The following DLG2 variants were observed in gnomAD, a reference collection of about 807,000 sequenced individuals.
DLG2 encodes the protein discs large MAGUK scaffold protein 2.
Under a neutral mutation model 132.5 loss-of-function variants are expected in DLG2, and 45 were observed. The observed-to-expected ratio is 0.34, with a 90% confidence interval of 0.27 to 0.44. The LOEUF (loss-of-function observed/expected upper bound fraction) is 0.44. DLG2 is among the 20% of genes least tolerant of loss of function. The probability of loss-of-function intolerance (pLI) is 1.00; values close to 1 mark genes in which losing one functional copy is unlikely to be tolerated. For synonymous variants in DLG2, 424 were observed against 419.6 expected, an observed-to-expected ratio of 1.01 and a Z score of -0.13; for missense variants, 1,045 against 1,196.9, an observed-to-expected ratio of 0.87 and a Z score of 1.87.
At chr11:83,879,351 A>G (rs1247996691) in intron 15 of DLG2, among the ~76,000 whole-genome samples, 1 of 152,150 alleles carries the variant, frequency 6.6e-6, no homozygotes, top group African/African-American at 2.4e-5. Flanking sequence ...CACATTCATC[A>G]TTAACATATC....
At chr11:85,458,598 C>T (rs575041949) in intron 3 of DLG2, among the ~76,000 whole-genome samples, 224 of 152,294 alleles carry the variant, frequency 1.5e-3, no homozygotes, top group Non-Finnish European at 1.9e-3. Context: ...AGTTAGTACA[C>T]TTCTTTTCTG....
intron 6 of DLG2, among the ~76,000 whole-genome samples, chr11:84,929,007 TATA>T (rs1362728304): frequency 7.6e-6 from 1 of 130,948 alleles, no homozygotes; most frequent in African/African-American, 2.9e-5. Context: ...TATATATATA[TATA>T]TATATATATA....
At chr11:85,156,800 C>T (rs1055332468) in intron 4 of DLG2, among the ~76,000 whole-genome samples, 5 of 152,140 alleles carry the variant, frequency 3.3e-5, no homozygotes, top group Admixed American at 2.0e-4. Context: ...CCTGGTTGTC[C>T]TAAGGTGATT....
At chr11:83,483,335 A>AAGAAC in intron 22 of DLG2, 2 of 1,545,668 alleles carry the variant, frequency 1.3e-6, no homozygotes, top group Non-Finnish European at 1.8e-6. Context: ...ATGAGAGAGG[A>AAGAAC]AGAACAGCCA....
intron 9 of DLG2, among the ~76,000 whole-genome samples, chr11:84,122,301 C>T (rs2093963992): frequency 6.6e-6 from 1 of 152,152 alleles, no homozygotes; most frequent in Admixed American, 6.5e-5. Context: ...GCCTGGGTGA[C>T]AGAGCTAGAC....
At position 85,482,027 on chromosome 11, in the gene DLG2, C is replaced by T. The variant is rs575192769; in HGVS notation, c.40+116630G>A. ...AGCCCAGAGGCCCCAAGCTCCAGAT[C>T]AGACCCAGCAGAAGACATGACCTGC... On this transcript the variant is annotated intron_variant, in intron 3 of 27. Transcript: ENST00000376104. 3.4e-4 allele frequency among the ~76,000 whole-genome samples: 52 copies of T among 152,214 alleles called. No homozygotes were observed. The South Asian group carries it at 0.011, about 31-fold the overall frequency.
At chr11:85,221,347 G>T (rs774399196) in intron 4 of DLG2, among the ~76,000 whole-genome samples, 17 of 151,962 alleles carry the variant, frequency 1.1e-4, no homozygotes, top group Non-Finnish European at 1.0e-4. Flanking sequence ...ATGAGCCACC[G>T]CTCCCGGCCT....
At chr11:84,363,295 G>A (rs1209077159) in intron 7 of DLG2, among the ~76,000 whole-genome samples, 2 of 151,798 alleles carry the variant, frequency 1.3e-5, no homozygotes, top group East Asian at 3.9e-4. Context: ...TTTTTTGGCT[G>A]CATAAATGTC....
chr11:84,944,033 C>CTT, intron 6 of DLG2, among the ~76,000 whole-genome samples: 1 of 151,980 alleles, frequency 6.6e-6, no homozygotes, highest in African/African-American at 2.4e-5. Flanking sequence ...GGATAAAAAG[C>CTT]CTTGTAAATA....
At chr11:83,678,584 G>A (rs948528181) in intron 18 of DLG2, among the ~76,000 whole-genome samples, 4 of 152,138 alleles carry the variant, frequency 2.6e-5, no homozygotes, top group African/African-American at 4.8e-5. Flanking sequence ...CAGGGGCAAC[G>A]GGTTGGGGAG....
intron 18 of DLG2, among the ~76,000 whole-genome samples, chr11:83,774,046 GT>G (rs1391288552): frequency 1.3e-5 from 2 of 152,196 alleles, no homozygotes; most frequent in Non-Finnish European, 2.9e-5. Context: ...TCTGGCTGGA[GT>G]GGGACTGGGG....
intron 6 of DLG2, among the ~76,000 whole-genome samples, chr11:85,017,373 T>G (rs1644403352): frequency 6.6e-6 from 1 of 151,264 alleles, no homozygotes; most frequent in African/African-American, 2.4e-5. Context: ...TTTTATTCCT[T>G]TCTTCCTGTA....
At chr11:84,268,756 C>A (rs548096086) in intron 7 of DLG2, among the ~76,000 whole-genome samples, 24 of 152,070 alleles carry the variant, frequency 1.6e-4, no homozygotes, top group African/African-American at 5.3e-4. Context: ...CCACCGCGCC[C>A]GGCCCATCTC....
chr11:85,081,249 T>C (rs2067191368), intron 6 of DLG2, among the ~76,000 whole-genome samples: 1 of 152,174 alleles, frequency 6.6e-6, no homozygotes, highest in East Asian at 1.9e-4. Flanking sequence ...GGGAATAGTG[T>C]GTCCGGCATC....
intron 18 of DLG2, chr11:83,643,651 T>C (rs1390921750): frequency 6.6e-6 from 1 of 152,184 alleles, no homozygotes; most frequent in African/African-American, 2.4e-5. Flanking sequence ...ACGCCATCCA[T>C]GCAAAATGTG....
chr11:84,454,984 A>G (rs532237736), intron 7 of DLG2, among the ~76,000 whole-genome samples: 1 of 151,562 alleles, frequency 6.6e-6, no homozygotes, highest in South Asian at 2.1e-4. Flanking sequence ...TTTTATGCCA[A>G]TTATTCTTCA....
chr11:84,614,080 T>G (rs994356429), intron 6 of DLG2, among the ~76,000 whole-genome samples: 1 of 152,206 alleles, frequency 6.6e-6, no homozygotes, highest in African/African-American at 2.4e-5. Flanking sequence ...TAACTAGCAC[T>G]GTGTATTATT....
intron 3 of DLG2, among the ~76,000 whole-genome samples, chr11:85,395,824 T>G (rs1159243500): frequency 1.3e-5 from 2 of 152,210 alleles, no homozygotes; most frequent in Non-Finnish European, 2.9e-5. Flanking sequence ...CGATTCCACT[T>G]CTAAGGGCAG....
chr11:85,446,502 A>G (rs965241852), intron 3 of DLG2, among the ~76,000 whole-genome samples: 2 of 152,244 alleles, frequency 1.3e-5, no homozygotes, highest in African/African-American at 4.8e-5. Flanking sequence ...TTTGTTAATA[A>G]TCACTTAAAA....
Sources: allele counts gnomAD v4.1 joint callset (sites outside exome capture counted in the v4.1 genomes callset), GRCh38; gene constraint gnomAD v4.1.1; transcripts MANE v1.5; gene names NCBI Gene and HGNC (gene_info 2026-07-23, HGNC 2026-07-21).